ROBO1: variants seen among roughly 807,000 people sequenced by gnomAD.
ROBO1 encodes the protein roundabout homolog 1.
A neutral mutation model predicts 195.9 loss-of-function variants in ROBO1; 149 were observed. That is an observed-to-expected ratio of 0.76 (90% CI 0.67 to 0.87). The LOEUF is 0.87. Ranked by LOEUF, ROBO1 falls within the 40% of genes least tolerant of loss-of-function variation. The probability of loss-of-function intolerance (pLI) is 0.00; values close to 1 mark genes in which losing one functional copy is unlikely to be tolerated. For missense variants in ROBO1, 1,933 were observed against 2,068.3 expected, an observed-to-expected ratio of 0.93 and a Z score of 1.27; for synonymous variants, 816 against 733.2, an observed-to-expected ratio of 1.11 and a Z score of -1.82.
In ROBO1 at chr3:79,194,235, C is replaced by T. The variant is rs567229992; in HGVS notation, c.89-68696G>A. ...AATAATGGTAAAGCGCTTTGTTTTTCCTAGGTAAAAAGTAACCTCTCTTGT... is the reference window on the plus strand; with the variant it reads ...AATAATGGTAAAGCGCTTTGTTTTTTCTAGGTAAAAAGTAACCTCTCTTGT... On this transcript the variant is annotated intron_variant, in intron 2 of 30. Transcript: ENST00000464233. Among the ~76,000 whole-genome samples, 28 of 151,734 alleles carry T rather than the reference C, an allele frequency of 1.8e-4. 1 individual carries two copies. The highest frequency in any genetic ancestry group is 6.8e-4 in the African/African-American group (28 of 41,478).
intron 2 of ROBO1, among the ~76,000 whole-genome samples, chr3:79,343,258 T>C (rs9870375): frequency 0.21 from 32,572 of 152,154 alleles, 6,018 homozygotes; most frequent in African/African-American, 0.5. Flanking sequence ...ACTTACTGAA[T>C]GATATCTAGC....
At chr3:78,951,178 A>C (rs2040759739) in intron 3 of ROBO1, among the ~76,000 whole-genome samples, 1 of 151,900 alleles carries the variant, frequency 6.6e-6, no homozygotes, top group Admixed American at 6.6e-5. Context: ...TCATAAGAGT[A>C]CGGATGAAAG....
intron 2 of ROBO1, among the ~76,000 whole-genome samples, chr3:79,446,262 A>G (rs2107165373): frequency 6.6e-6 from 1 of 152,330 alleles, no homozygotes; most frequent in East Asian, 1.9e-4. Context: ...GGTAACATCA[A>G]AATAAATTAT....
chr3:78,950,682 TATTAA>T (rs958352646), intron 3 of ROBO1, among the ~76,000 whole-genome samples: 32 of 146,852 alleles, frequency 2.2e-4, no homozygotes, highest in African/African-American at 8.3e-4. Context: ...ATAAATGTAA[TATTAA>T]ATTAAAAAAA....
chr3:79,545,313 T>A (rs1429257791), intron 2 of ROBO1, among the ~76,000 whole-genome samples: 8 of 152,194 alleles, frequency 5.3e-5, no homozygotes, highest in Admixed American at 5.2e-4. Flanking sequence ...TCTCCCAGTC[T>A]ATAACCACCT....
At chr3:79,411,995 A>G (rs967290729) in intron 2 of ROBO1, among the ~76,000 whole-genome samples, 2 of 152,090 alleles carry the variant, frequency 1.3e-5, no homozygotes, top group Admixed American at 6.6e-5. Context: ...TATCTCAGCC[A>G]TCGAGAGCAG....
chr3:79,738,254 T>C (rs765908372), intron 1 of ROBO1, among the ~76,000 whole-genome samples: 2 of 152,158 alleles, frequency 1.3e-5, no homozygotes, highest in African/African-American at 2.4e-5. Context: ...TTACTGAGAT[T>C]TAAAGACAAT....
At chr3:78,766,366 G>C (rs2083228415) in intron 4 of ROBO1, among the ~76,000 whole-genome samples, 1 of 152,060 alleles carries the variant, frequency 6.6e-6, no homozygotes, top group Non-Finnish European at 1.5e-5. Context: ...ATACTGCTTT[G>C]CTTTAGTACC....
intron 2 of ROBO1, among the ~76,000 whole-genome samples, chr3:79,501,152 ATTTG>A (rs1378371241): frequency 3.9e-5 from 6 of 152,058 alleles, no homozygotes; most frequent in Admixed American, 2.0e-4. Flanking sequence ...TATCACACTC[ATTTG>A]TTTATCTATT....
intron 1 of ROBO1, among the ~76,000 whole-genome samples, chr3:79,704,723 A>G (rs1361296239): frequency 6.6e-6 from 1 of 152,066 alleles, no homozygotes; most frequent in African/African-American, 2.4e-5. Context: ...TCACTGTGTC[A>G]TATAATAGGA....
intron 3 of ROBO1, among the ~76,000 whole-genome samples, chr3:78,971,762 G>GTTGT (rs564210726): frequency 1.4e-4 from 21 of 149,626 alleles, no homozygotes; most frequent in South Asian, 1.3e-3. Flanking sequence ...TGTTGTTGTT[G>GTTGT]TTGTTTGTTT....
intron 3 of ROBO1, among the ~76,000 whole-genome samples, chr3:79,039,299 A>C (rs559262490): frequency 6.6e-6 from 1 of 152,248 alleles, no homozygotes; most frequent in African/African-American, 2.4e-5. Context: ...TTTCTGGGGA[A>C]TGTATTTTCC....
chr3:79,113,694 G>A (rs1175096539), intron 3 of ROBO1, among the ~76,000 whole-genome samples: 3 of 151,982 alleles, frequency 2.0e-5, no homozygotes, highest in Admixed American at 6.6e-5. Context: ...TTGAACCTGG[G>A]AGGTGGAGGT....
intron 1 of ROBO1, among the ~76,000 whole-genome samples, chr3:79,636,924 G>C (rs1318584249): frequency 2.0e-5 from 3 of 152,182 alleles, no homozygotes; most frequent in African/African-American, 7.2e-5. Context: ...CTTCTTTGAA[G>C]TTACCAAACA....
intron 2 of ROBO1, among the ~76,000 whole-genome samples, chr3:79,569,897 G>C (rs999409910): frequency 1.3e-5 from 2 of 151,894 alleles, no homozygotes; most frequent in Non-Finnish European, 2.9e-5. Flanking sequence ...CCAGAGGTTG[G>C]AGGCGAGCTT....
intron 3 of ROBO1, among the ~76,000 whole-genome samples, chr3:79,095,637 TAATA>T (rs1348923616): frequency 2.8e-4 from 43 of 152,122 alleles, no homozygotes; most frequent in Non-Finnish European, 1.5e-5. Context: ...CTATGTAAGA[TAATA>T]AATAATTGTT....
At chr3:78,932,721 G>A (rs989656262) in intron 4 of ROBO1, among the ~76,000 whole-genome samples, 7 of 151,990 alleles carry the variant, frequency 4.6e-5, no homozygotes, top group South Asian at 4.1e-4. Context: ...TTATAGGATC[G>A]TTCTGTACAT....
intron 2 of ROBO1, among the ~76,000 whole-genome samples, chr3:79,365,630 G>T (rs2035942213): frequency 6.6e-6 from 1 of 152,116 alleles, no homozygotes. Flanking sequence ...GGGCACGGTG[G>T]CTTAAGCCTG....
intron 1 of ROBO1, among the ~76,000 whole-genome samples, chr3:79,661,193 T>G: frequency 6.6e-6 from 1 of 152,042 alleles, no homozygotes; most frequent in East Asian, 1.9e-4. Context: ...AAGAATTACC[T>G]TTGCTTCAGA....
Sources: gnomAD v4.1 joint callset for allele counts (sites outside exome capture counted in the v4.1 genomes callset) on GRCh38, gnomAD v4.1.1 for gene constraint, MANE v1.5 for transcripts, NCBI Gene and HGNC (gene_info 2026-07-23, HGNC 2026-07-21) for gene names.